ANO5: variants seen among roughly 807,000 people sequenced by gnomAD.
ANO5 encodes anoctamin-5.
Under a neutral mutation model 121.0 loss-of-function variants are expected in ANO5, and 109 were observed. That is an observed-to-expected ratio of 0.90 (90% confidence interval 0.77 to 1.06). The LOEUF is 1.06. Among genes scored for constraint, ANO5 ranks in the 50% least tolerant of loss-of-function variants. The probability of loss-of-function intolerance (pLI) is 0.00; values close to 1 mark genes in which losing one functional copy is unlikely to be tolerated. For synonymous variants in ANO5, 406 were observed against 359.9 expected (o/e 1.13, Z -1.45); for missense variants, 1,064 against 1,078.5 (o/e 0.99, Z 0.19).
chr11:22,250,986 C>T lies in ANO5; in HGVS notation c.1155C>T (p.Phe385=), dbSNP rs1264404633. 1.2e-6 allele frequency: 2 copies of T among 1,611,916 alleles called. No individual in the cohort carries two copies. Among genetic ancestry groups the T allele is most frequent in the Non-Finnish European group, 1.7e-6 (2 of 1,179,380 alleles). The stretch of plus-strand genomic sequence containing the variant: ...TGTTTGATAATGAGTCAACAGTGTT[C>T]TTTGCAATATTCATGGGAATTTGGG... ...SHLFDNESTV[F]FAIFMGIWVT... The change falls in exon 12 of 22, where the codon TTC becomes TTT. Residue 385 remains phenylalanine (F), a synonymous_variant. Transcript: ENST00000324559.
chr11:22,259,380 A>T (rs1854110827), intron 14 of ANO5, 139 bp from the exon 15 acceptor site: 1 of 854,670 alleles, frequency 1.2e-6, no homozygotes, highest in African/African-American at 1.7e-5. Context: ...AGGGAAAGAG[A>T]GACTGACTTA....
At chr11:22,228,562 A>C (rs1002935891) in intron 7 of ANO5, among the ~76,000 whole-genome samples, 1 of 151,912 alleles carries the variant, frequency 6.6e-6, no homozygotes, top group Non-Finnish European at 1.5e-5. Flanking sequence ...TCATCCTACT[A>C]TGCAATAGAA....
intron 9 of ANO5, among the ~76,000 whole-genome samples, chr11:22,241,160 T>A (rs145032820): frequency 5.2e-5 from 5 of 96,710 alleles, no homozygotes; most frequent in African/African-American, 1.7e-4. Flanking sequence ...AGGGAGTTTT[T>A]TAACCCACAC....
intron 12 of ANO5, among the ~76,000 whole-genome samples, chr11:22,251,870 A>G (rs1394604483): frequency 6.6e-6 from 1 of 151,572 alleles, no homozygotes; most frequent in Non-Finnish European, 1.5e-5. Context: ...ACTAAAAAAT[A>G]CCAAAAAAAA....
chr11:22,198,075 G>A (rs972443042), intron 1 of ANO5, among the ~76,000 whole-genome samples: 2 of 152,186 alleles, frequency 1.3e-5, no homozygotes, highest in Admixed American at 1.3e-4. Context: ...GAGAGCTAGC[G>A]AGCAGTAAGT....
At chr11:22,273,058 T>G (rs1191272252) in intron 19 of ANO5, 69 bp downstream of exon 19, 1 of 1,412,380 alleles carries the variant, frequency 7.1e-7, no homozygotes, top group Non-Finnish European at 1.0e-6. Context: ...ATGTGAATGA[T>G]GCTTAATCTT....
chr11:22,247,038 A>G (rs1173800901), intron 9 of ANO5, among the ~76,000 whole-genome samples: 1 of 152,126 alleles, frequency 6.6e-6, no homozygotes, highest in Non-Finnish European at 1.5e-5. Context: ...GCAGGAACAC[A>G]CACAAATGCG....
intron 15 of ANO5, chr11:22,261,161 G>T (rs1854175070): frequency 1.3e-5 from 2 of 152,170 alleles, no homozygotes; most frequent in African/African-American, 4.8e-5. Context: ...CTTATTTGGT[G>T]TATTAGTTTG....
intron 9 of ANO5, among the ~76,000 whole-genome samples, chr11:22,244,566 G>A (rs1464325650): frequency 1.3e-5 from 2 of 149,284 alleles, no homozygotes; most frequent in Non-Finnish European, 2.9e-5. Flanking sequence ...AAATTTCTTG[G>A]AGGTTTTGTT....
At chr11:22,206,920 AT>A (rs1852139785) in intron 2 of ANO5, among the ~76,000 whole-genome samples, 1 of 152,044 alleles carries the variant, frequency 6.6e-6, no homozygotes, top group African/African-American at 2.4e-5. Flanking sequence ...AGACAAAAAA[AT>A]AAAATAAAAG....
intron 17 of ANO5, 80 bp downstream of exon 17, chr11:22,263,123 T>C: frequency 8.4e-7 from 1 of 1,187,740 alleles, no homozygotes; most frequent in Non-Finnish European, 1.2e-6. Flanking sequence ...AATTTTTTGA[T>C]TACCATGGTG....
In ANO5 at chr11:22,256,730, T is replaced by TTTTTGTTTTG. The variant is rs142439689; in HGVS notation, c.1333-935_1333-926dup. On this transcript the variant is annotated intron_variant, in intron 13 of 21. Coordinates refer to ENST00000324559, the MANE Select transcript of ANO5 (RefSeq NM_213599.3). ...TTTAGAAATCATGAAACAGAGTTTTTTTTTGTTTTGTTTTGTTTTGTTTTT... is the reference window on the plus strand; with the variant it reads ...TTTAGAAATCATGAAACAGAGTTTTTTTTTGTTTTGTTTTGTTTTGTTTTGTTTTGTTTTT... Among the ~76,000 whole-genome samples the TTTTTGTTTTG allele has an allele frequency of 6.9e-4, 105 of 151,756 alleles. No individual in the cohort carries two copies. The South Asian group carries it at 0.021, about 31-fold the overall frequency.
chr11:22,259,494 G>A lies in ANO5; in HGVS notation c.1408-25G>A, dbSNP rs1478111060. 2.5e-6 allele frequency: 4 copies of A among 1,583,574 alleles called. No individual in the cohort carries two copies. The East Asian group carries it at 8.9e-5, about 35-fold the overall frequency. On this transcript the variant is annotated intron_variant, in intron 14 of 21. Transcript: ENST00000324559. ...TAACAGAGATACAGAGACCCAAATAGCAGTTCTTTGTTTTCCTTTCCCAGA... is the reference window on the plus strand; with the variant it reads ...TAACAGAGATACAGAGACCCAAATAACAGTTCTTTGTTTTCCTTTCCCAGA...
At chr11:22,264,694 GT>G (rs1294047546) in intron 17 of ANO5, among the ~76,000 whole-genome samples, 3 of 152,084 alleles carry the variant, frequency 2.0e-5, no homozygotes, top group Admixed American at 6.6e-5. Flanking sequence ...ATAAGGAAAG[GT>G]GATACTGTCA....
At chr11:22,244,169 G>T (rs946322736) in intron 9 of ANO5, among the ~76,000 whole-genome samples, 2 of 152,040 alleles carry the variant, frequency 1.3e-5, no homozygotes, top group African/African-American at 4.8e-5. Flanking sequence ...ATGAAGCTTA[G>T]TTTGATGAGA....
rs771229339 is a variant in ANO5, at chr11:22,274,602, C to A, written c.2269C>A (p.Pro757Thr). The A allele has an allele frequency of 6.2e-7, 1 of 1,606,638 alleles. No homozygotes were observed. The highest frequency in any genetic ancestry group is 8.5e-7 in the Non-Finnish European group (1 of 1,174,396). ...FIVAFTSDII[P>T]RLVYYYAYST... ...TGTTGCATTTACGTCAGACATCATT[C>A]CCCGTCTAGTTTACTACTATGCTTA... Residue 757 changes from proline to threonine, a missense_variant, in exon 20 of 22, where the codon CCC (proline) becomes ACC (threonine). By Grantham distance (38) the Pro-to-Thr change is conservative. Coordinates refer to ENST00000324559, the MANE Select transcript of ANO5 (RefSeq NM_213599.3).
At chr11:22,278,549 T>C (rs1176638234) in intron 21 of ANO5, among the ~76,000 whole-genome samples, 2 of 150,100 alleles carry the variant, frequency 1.3e-5, no homozygotes, top group Non-Finnish European at 3.0e-5. Flanking sequence ...TTTTTTTCCA[T>C]GTCAGAGATG....
At chr11:22,231,816 A>G (rs1002270828) in intron 7 of ANO5, among the ~76,000 whole-genome samples, 1 of 152,018 alleles carries the variant, frequency 6.6e-6, no homozygotes, top group Non-Finnish European at 1.5e-5. Context: ...TCCTGGTTAC[A>G]ATATATGGGA....
intron 3 of ANO5, among the ~76,000 whole-genome samples, chr11:22,211,784 C>A (rs767117137): frequency 6.6e-6 from 1 of 151,724 alleles, no homozygotes; most frequent in Admixed American, 6.6e-5. Flanking sequence ...GGTAAGGGGA[C>A]CTGAAACTTT....
Sources: allele counts gnomAD v4.1 joint callset (sites outside exome capture counted in the v4.1 genomes callset), GRCh38; gene constraint gnomAD v4.1.1; transcripts MANE v1.5; gene names NCBI Gene and HGNC (gene_info 2026-07-23, HGNC 2026-07-21).